The following GRHL2 variants were observed in gnomAD, a reference collection of about 807,000 sequenced individuals.
The protein encoded by GRHL2 is grainyhead like transcription factor 2.
Under a neutral mutation model 83.8 loss-of-function variants are expected in GRHL2, and 21 were observed. The ratio of observed to expected loss-of-function variants is 0.25; its 90% CI spans 0.18 to 0.36. The LOEUF is 0.36. Among genes scored for constraint, GRHL2 ranks in the 10% least tolerant of loss-of-function variants. GRHL2 has a pLI of 1.00. For synonymous variants in GRHL2, 280 were observed against 278.9 expected (o/e 1.00, Z -0.04); for missense variants, 623 against 781.8 (o/e 0.80, Z 2.42).
At chr8:101,655,650 T>C (rs1261315057) in intron 14 of GRHL2, among the ~76,000 whole-genome samples, 3 of 152,234 alleles carry the variant, frequency 2.0e-5, no homozygotes, top group Admixed American at 6.5e-5. Flanking sequence ...AATATTCCCA[T>C]ACTTGGTATC....
At chr8:101,529,431 T>TC (rs1554583508) in intron 1 of GRHL2, 1 of 47,418 alleles carries the variant, frequency 2.1e-5, no homozygotes, top group African/African-American at 7.3e-5. Context: ...AGACTCCCTC[T>TC]CAAAAAAAAA....
chr8:101,631,813 G>A lies in GRHL2; in HGVS notation c.1345+89G>A. 3 of 1,040,412 alleles carry A rather than the reference G, an allele frequency of 2.9e-6. No homozygotes were observed. The South Asian group carries it at 3.9e-5, about 13-fold the overall frequency. 64.4% of individuals were successfully genotyped at this position (1,040,412 alleles called of 1,614,324 possible). ...AACAGGTGGAAGAAGTGGGTTGCAGGTAAAACTGCATACATGCAAGGCATG... is the reference window on the plus strand; with the variant it reads ...AACAGGTGGAAGAAGTGGGTTGCAGATAAAACTGCATACATGCAAGGCATG... On this transcript the variant is annotated intron_variant, in intron 10 of 15. Transcript: ENST00000646743.
intron 13 of GRHL2, among the ~76,000 whole-genome samples, chr8:101,646,670 G>A (rs189609284): frequency 3.3e-5 from 5 of 152,346 alleles, no homozygotes; most frequent in East Asian, 3.9e-4. Flanking sequence ...CCAATGCCAC[G>A]ATTATTGGTT....
intron 2 of GRHL2, among the ~76,000 whole-genome samples, chr8:101,551,981 G>T (rs369666096): frequency 2.0e-5 from 3 of 151,782 alleles, no homozygotes; most frequent in Non-Finnish European, 4.4e-5. Flanking sequence ...GACTACAGGT[G>T]CCTGCCACCA....
intron 12 of GRHL2, among the ~76,000 whole-genome samples, chr8:101,642,058 C>G (rs2129658241): frequency 6.6e-6 from 1 of 152,246 alleles, no homozygotes; most frequent in South Asian, 2.1e-4. Flanking sequence ...GGTTGTGAAA[C>G]CCACAGCTAC....
chr8:101,621,616 G>T (rs959570238), intron 9 of GRHL2, among the ~76,000 whole-genome samples: 3 of 152,100 alleles, frequency 2.0e-5, no homozygotes, highest in African/African-American at 7.2e-5. Flanking sequence ...TGTAATATAG[G>T]CCAGGTGCGT....
At chr8:101,493,846 T>C (rs688324) in intron 1 of GRHL2, among the ~76,000 whole-genome samples, 121,548 of 151,688 alleles carry the variant, frequency 0.8, 50,487 homozygotes, top group Non-Finnish European at 0.93. Context: ...CTGGGCCCGG[T>C]CCGGCCGCGT....
intron 1 of GRHL2, among the ~76,000 whole-genome samples, chr8:101,535,121 G>A (rs1376617424): frequency 2.0e-5 from 3 of 152,182 alleles, no homozygotes; most frequent in Non-Finnish European, 2.9e-5. Context: ...TTGACTCAAC[G>A]ACCATCTCCT....
At chr8:101,652,749 TA>T (rs1227112732) in intron 14 of GRHL2, among the ~76,000 whole-genome samples, 2 of 152,052 alleles carry the variant, frequency 1.3e-5, no homozygotes, top group Non-Finnish European at 2.9e-5. Flanking sequence ...TCTTCATTGT[TA>T]AAATGGAAAT....
intron 1 of GRHL2, among the ~76,000 whole-genome samples, chr8:101,534,091 G>A (rs1171030658): frequency 2.0e-5 from 3 of 152,148 alleles, no homozygotes; most frequent in Non-Finnish European, 4.4e-5. Context: ...TAAAAGCAGG[G>A]AAACCTATTA....
intron 2 of GRHL2, among the ~76,000 whole-genome samples, chr8:101,551,828 G>A (rs1324633242): frequency 6.7e-6 from 1 of 150,184 alleles, no homozygotes; most frequent in African/African-American, 2.5e-5. Context: ...CAGGTAATAT[G>A]TTGGCATTGG....
At chr8:101,501,143 T>C (rs887839435) in intron 1 of GRHL2, among the ~76,000 whole-genome samples, 1 of 152,282 alleles carries the variant, frequency 6.6e-6, no homozygotes, top group African/African-American at 2.4e-5. Context: ...GTCAGGGTTC[T>C]GGAGGTTGTT....
At chr8:101,598,949 T>G in intron 7 of GRHL2, 108 bp from the exon 8 acceptor site, 1 of 770,292 alleles carries the variant, frequency 1.3e-6, no homozygotes, top group Non-Finnish European at 2.3e-6. Context: ...GGAGATAGCC[T>G]GAAAAATAAA....
intron 12 of GRHL2, among the ~76,000 whole-genome samples, chr8:101,641,308 T>A (rs1179699538): frequency 2.0e-5 from 3 of 152,154 alleles, no homozygotes; most frequent in African/African-American, 7.2e-5. Context: ...ACCTGTTTTC[T>A]GAGGATAACA....
At chr8:101,616,308 T>C (rs1173639768) in intron 8 of GRHL2, among the ~76,000 whole-genome samples, 3 of 151,950 alleles carry the variant, frequency 2.0e-5, no homozygotes, top group Non-Finnish European at 4.4e-5. Context: ...GTAGCTGGGA[T>C]TACAGGTGCC....
chr8:101,530,873 C>CT (rs1160119456), intron 1 of GRHL2, among the ~76,000 whole-genome samples: 3 of 152,096 alleles, frequency 2.0e-5, no homozygotes, highest in East Asian at 3.8e-4. Context: ...TTTCAACTAA[C>CT]TTTTTTCTAA....
chr8:101,611,994 T>A (rs187712418), intron 8 of GRHL2, among the ~76,000 whole-genome samples: 1 of 150,972 alleles, frequency 6.6e-6, no homozygotes, highest in African/African-American at 2.5e-5. Flanking sequence ...CTTCTTTCTC[T>A]TTTTTGAGAT....
chr8:101,594,210 G>T (rs1246861313), intron 7 of GRHL2, among the ~76,000 whole-genome samples: 1 of 151,786 alleles, frequency 6.6e-6, no homozygotes, highest in Non-Finnish European at 1.5e-5. Flanking sequence ...GGCACAGCTT[G>T]ATTTCAAACT....
chr8:101,533,921 C>A (rs1322728825), intron 1 of GRHL2, among the ~76,000 whole-genome samples: 1 of 151,902 alleles, frequency 6.6e-6, no homozygotes, highest in Non-Finnish European at 1.5e-5. Flanking sequence ...TCCTGGGGGA[C>A]CTGGTAGGTC....
Sources: gnomAD v4.1 joint callset for allele counts (sites outside exome capture counted in the v4.1 genomes callset) on GRCh38, gnomAD v4.1.1 for gene constraint, MANE v1.5 for transcripts, NCBI Gene and HGNC (gene_info 2026-07-23, HGNC 2026-07-21) for gene names.